The following WDFY3 variants were observed in gnomAD, a reference collection of about 807,000 sequenced individuals.
WDFY3 encodes WD repeat and FYVE domain-containing protein 3.
A neutral mutation model predicts 409.6 loss-of-function variants in WDFY3; 66 were observed. The ratio of observed to expected loss-of-function variants is 0.16; its 90% CI spans 0.13 to 0.20. The LOEUF (loss-of-function observed/expected upper bound fraction) is 0.20. Among genes scored for constraint, WDFY3 ranks in the 10% least tolerant of loss-of-function variants. The pLI is 1.00. For synonymous variants in WDFY3, 1,521 were observed against 1,537.1 expected, an observed-to-expected ratio of 0.99 and a Z score of 0.25; for missense variants, 3,031 against 4,298.1, an observed-to-expected ratio of 0.71 and a Z score of 8.24.
intron 15 of WDFY3, 135 bp downstream of exon 15, chr4:84,808,198 CA>C: frequency 1.3e-6 from 1 of 742,052 alleles, no homozygotes; most frequent in South Asian, 2.3e-5. Context: ...CCCAAAACCC[CA>C]AAAGTAAAAA....
chr4:84,921,646 A>ATTTTTT lies in WDFY3; in HGVS notation c.-132+10618_-132+10623dup, dbSNP rs747576197. The stretch of plus-strand genomic sequence containing the variant: ...ATGGAACCAAGTCTCTATTGCTTTC[A>ATTTTTT]TTTTTTTTTTTTTTTTTTTTTTTTT... On this transcript the variant is annotated intron_variant, in intron 2 of 67. Transcript: ENST00000295888. Among the ~76,000 whole-genome samples, 90 of 78,682 alleles carry ATTTTTT rather than the reference A, an allele frequency of 1.1e-3. 3 individuals are homozygous for ATTTTTT. The highest frequency in any genetic ancestry group is 1.4e-3 in the East Asian group (4 of 2,844). The allele number at this position is 78,682 out of a possible 152,430, so 51.6% of individuals were successfully genotyped here.
intron 3 of WDFY3, among the ~76,000 whole-genome samples, chr4:84,880,974 C>T (rs1409039621): frequency 7.9e-5 from 12 of 151,754 alleles, no homozygotes; most frequent in East Asian, 7.8e-4. Context: ...CCGCCCTCCT[C>T]GGCCTCCCAG....
intron 10 of WDFY3, among the ~76,000 whole-genome samples, chr4:84,824,087 G>T (rs955716785): frequency 6.6e-6 from 1 of 152,054 alleles, no homozygotes; most frequent in Non-Finnish European, 1.5e-5. Context: ...CATTAAAAAG[G>T]AACAAACTTC....
At chr4:84,782,594 G>A (rs1746739524) in intron 25 of WDFY3, among the ~76,000 whole-genome samples, 2 of 152,132 alleles carry the variant, frequency 1.3e-5, no homozygotes, top group South Asian at 4.1e-4. Flanking sequence ...GTGTCCGTAT[G>A]TTCTCATTGT....
chr4:84,935,401 T>C (rs971431823), intron 1 of WDFY3, among the ~76,000 whole-genome samples: 4 of 152,198 alleles, frequency 2.6e-5, no homozygotes, highest in Admixed American at 1.3e-4. Context: ...TTTTTAATGC[T>C]GGGTATAGAA....
chr4:84,871,809 A>T lies in WDFY3; in HGVS notation c.-31-11187T>A, dbSNP rs557917394. Among the ~76,000 whole-genome samples the T allele has an allele frequency of 1.9e-4, 29 of 151,820 alleles. No homozygotes were observed. The South Asian group carries it at 5.2e-3, about 27-fold the overall frequency. Reference sequence around the variant, plus strand: ...ACCACCACGGCCAGTTAATTTTTGTATTTTCTGTAGAGCTAGGTATTTGCC... The same window carrying T: ...ACCACCACGGCCAGTTAATTTTTGTTTTTTCTGTAGAGCTAGGTATTTGCC... On this transcript the variant is annotated intron_variant, in intron 3 of 67. Transcript: ENST00000295888.
rs754799362 is a variant in WDFY3 at position 84,803,355 on chromosome 4, G to A, written c.2542C>T (p.His848Tyr). 2 of 1,613,960 alleles carry A rather than the reference G, an allele frequency of 1.2e-6. No individual in the cohort carries two copies. Among genetic ancestry groups the A allele is most frequent in the Non-Finnish European group, 1.7e-6 (2 of 1,180,000 alleles). Residue 848 changes from histidine (H) to tyrosine (Y), a missense_variant, in exon 16 of 68, where the codon CAT (histidine) becomes TAT (tyrosine). By Grantham distance (83) the His-to-Tyr change is moderately conservative (BLOSUM62 2). Around this residue, in one of 16 missense-constraint regions of WDFY3, gnomAD observed 1,322 missense variants for 1,697.9 expected, o/e 0.78. Transcript: ENST00000295888. The stretch of plus-strand genomic sequence containing the variant: ...AGCATGGCAAGCATGGCTCCAGGAT[G>A]AATGATGACTGCATCAGAACTCTGC... ...SLQSSDAVIIHPGAMLAMLDL... is the reference protein window; with the variant it reads ...SLQSSDAVIIYPGAMLAMLDL...
At chr4:84,869,987 A>G (rs971338685) in intron 3 of WDFY3, among the ~76,000 whole-genome samples, 36 of 152,216 alleles carry the variant, frequency 2.4e-4, no homozygotes, top group African/African-American at 8.7e-4. Flanking sequence ...TACTACACAT[A>G]TAAGTCAACA....
intron 5 of WDFY3, among the ~76,000 whole-genome samples, chr4:84,842,757 G>A (rs944224933): frequency 1.3e-5 from 2 of 152,166 alleles, no homozygotes; most frequent in African/African-American, 4.8e-5. Flanking sequence ...CTCCAGCCTA[G>A]GCAACAGAGC....
At chr4:84,964,448 A>G (rs1165007614) in intron 1 of WDFY3, among the ~76,000 whole-genome samples, 6 of 152,358 alleles carry the variant, frequency 3.9e-5, no homozygotes, top group East Asian at 1.9e-4. Context: ...CAGCCTGGGC[A>G]ACAGGGCAAG....
chr4:84,810,527 C>A (rs1752325041), intron 13 of WDFY3, 183 bp from the exon 14 acceptor site: 1 of 516,004 alleles, frequency 1.9e-6, no homozygotes, highest in Non-Finnish European at 3.3e-6. Context: ...ACATTAAATG[C>A]TGAAGGTAAT....
intron 1 of WDFY3, among the ~76,000 whole-genome samples, chr4:84,944,974 A>G (rs1375560271): frequency 1.3e-5 from 2 of 152,144 alleles, no homozygotes; most frequent in Non-Finnish European, 2.9e-5. Flanking sequence ...TGAAAAGATC[A>G]AAAGATAAAA....
chr4:84,742,561 C>T (rs1362777484), intron 37 of WDFY3, among the ~76,000 whole-genome samples: 1 of 152,136 alleles, frequency 6.6e-6, no homozygotes, highest in African/African-American at 2.4e-5. Flanking sequence ...CCCCAACTCC[C>T]AGGCCATGGA....
At chr4:84,748,238 G>T (rs920253402) in intron 36 of WDFY3, among the ~76,000 whole-genome samples, 2 of 152,106 alleles carry the variant, frequency 1.3e-5, no homozygotes, top group Non-Finnish European at 2.9e-5. Context: ...TCAATTTTTT[G>T]AGTATGTTTA....
intron 2 of WDFY3, among the ~76,000 whole-genome samples, chr4:84,925,130 T>C (rs1769802238): frequency 6.6e-6 from 1 of 152,194 alleles, no homozygotes; most frequent in African/African-American, 2.4e-5. Context: ...TCCAAGTCTC[T>C]TCCCTCTTTA....
At position 84,895,984 on chromosome 4, in the gene WDFY3, G is replaced by A. The variant is rs150669445; in HGVS notation, c.-32+927C>T. Among the ~76,000 whole-genome samples, 930 of 152,264 alleles carry A rather than the reference G, an allele frequency of 6.1e-3. 12 individuals are homozygous for A. Among genetic ancestry groups the A allele is most frequent in the African/African-American group, 0.021 (875 of 41,560 alleles). On this transcript the variant is annotated intron_variant, in intron 3 of 67. Transcript: ENST00000295888. Reference sequence around the variant, plus strand: ...AATAAAAGGATGAAAGAGGCTGGGCGCAGTGGCTCACACCTGTAATCCCAG... The same window carrying A: ...AATAAAAGGATGAAAGAGGCTGGGCACAGTGGCTCACACCTGTAATCCCAG...
chr4:84,916,523 G>A (rs1458296355), intron 2 of WDFY3, among the ~76,000 whole-genome samples: 2 of 152,182 alleles, frequency 1.3e-5, no homozygotes, highest in African/African-American at 2.4e-5. Context: ...AGCAGCAAGT[G>A]ACTGATCAGT....
At chr4:84,954,768 G>C (rs1774033709) in intron 1 of WDFY3, among the ~76,000 whole-genome samples, 1 of 152,106 alleles carries the variant, frequency 6.6e-6, no homozygotes, top group Non-Finnish European at 1.5e-5. Context: ...TACAATGTCT[G>C]GTAATGTTTT....
At chr4:84,908,344 T>C (rs760388861) in intron 2 of WDFY3, among the ~76,000 whole-genome samples, 17 of 152,148 alleles carry the variant, frequency 1.1e-4, no homozygotes, top group African/African-American at 2.4e-4. Context: ...AACTTTATGA[T>C]TGATTTTAAA....
Sources: allele counts gnomAD v4.1 joint callset (sites outside exome capture counted in the v4.1 genomes callset), GRCh38; gene constraint gnomAD v4.1.1; regional missense constraint gnomAD v4.1.1; transcripts MANE v1.5; gene names NCBI Gene and HGNC (gene_info 2026-07-23, HGNC 2026-07-21).